Variants in AXIN1 observed in about 807,000 individuals in gnomAD.
The protein encoded by AXIN1 is axin 1.
AXIN1 carries 30 observed loss-of-function variants against 76.4 expected under a neutral mutation model. The ratio of observed to expected loss-of-function variants is 0.39; its 90% CI spans 0.29 to 0.53. AXIN1 has a LOEUF of 0.53. Ranked by LOEUF, AXIN1 falls within the 20% of genes least tolerant of loss-of-function variation. AXIN1 has a pLI of 0.66. For missense variants in AXIN1, 1,140 were observed against 1,198.8 expected (o/e 0.95, Z 0.72); for synonymous variants, 545 against 501.4 (o/e 1.09, Z -1.16).
chr16:318,917 T>C (rs11248927), intron 2 of AXIN1, among the ~76,000 whole-genome samples: 618 of 65,172 alleles, frequency 9.5e-3, no homozygotes, highest in African/African-American at 0.048. Context: ...TTGGTGAGAG[T>C]GGCTCTGACC....
chr16:323,914 C>A (rs1397174933), intron 2 of AXIN1, among the ~76,000 whole-genome samples: 2 of 152,122 alleles, frequency 1.3e-5, no homozygotes, highest in Non-Finnish European at 1.5e-5. Context: ...GTGTCAACTG[C>A]GACAGGGGAT....
At chr16:310,530 G>A (rs1230065367) in intron 3 of AXIN1, among the ~76,000 whole-genome samples, 4 of 152,138 alleles carry the variant, frequency 2.6e-5, no homozygotes, top group Non-Finnish European at 5.9e-5. Context: ...CTGAGTAGCT[G>A]GGACTACAGG....
chr16:343,639 G>A (rs925454762), intron 2 of AXIN1, among the ~76,000 whole-genome samples: 3 of 151,870 alleles, frequency 2.0e-5, no homozygotes, highest in Admixed American at 1.3e-4. Context: ...GGAGGCAGAG[G>A]TTGCAGTGAG....
At chr16:333,569 C>T (rs555497705) in intron 2 of AXIN1, among the ~76,000 whole-genome samples, 5 of 152,006 alleles carry the variant, frequency 3.3e-5, no homozygotes, top group East Asian at 3.9e-4. Flanking sequence ...ATAAAGAAAA[C>T]ATCCAAAAAA....
At position 293,685 on chromosome 16, in the gene AXIN1, C is replaced by T. The variant is rs750092964; in HGVS notation, c.1989G>A (p.Glu663=). The T allele has an allele frequency of 1.2e-6, 2 of 1,613,602 alleles. No individual in the cohort carries two copies. Among genetic ancestry groups the T allele is most frequent in the African/African-American group, 1.3e-5 (1 of 74,886 alleles). The change falls in exon 8 of 11, where the codon GAG becomes GAA. Residue 663 remains glutamate, a synonymous_variant. Transcript: ENST00000262320. The surrounding 1 kb of genome is among the most constrained non-coding windows in gnomAD (Gnocchi z 4.6). ...SSGTRKPQPH[E]NSRPLSLEHP... ...GCTCAAGGGACAAGGGTCTGGAGTT[C>T]TCATGGGGCTGTGGCTTCCTCGTCC...
At chr16:325,341 T>A (rs2053559077) in intron 2 of AXIN1, among the ~76,000 whole-genome samples, 1 of 152,194 alleles carries the variant, frequency 6.6e-6, no homozygotes, top group African/African-American at 2.4e-5. Context: ...CTGGCTTTCT[T>A]CACTGGCACA....
intron 2 of AXIN1, among the ~76,000 whole-genome samples, chr16:329,865 T>A (rs2053659194): frequency 6.6e-6 from 1 of 151,432 alleles, no homozygotes; most frequent in African/African-American, 2.4e-5. Flanking sequence ...AATCTCCTGA[T>A]CTTGTGATCC....
At chr16:289,687 A>G (rs934090869) in intron 9 of AXIN1, 80 bp from the exon 10 acceptor site, 22 of 1,575,116 alleles carry the variant, frequency 1.4e-5, no homozygotes, top group Middle Eastern at 1.7e-4. Context: ...TCAGGCTGCC[A>G]GTGTAAGGCG....
intron 2 of AXIN1, among the ~76,000 whole-genome samples, chr16:333,275 T>C (rs918233039): frequency 6.6e-6 from 1 of 151,158 alleles, no homozygotes; most frequent in Non-Finnish European, 1.5e-5. Context: ...GCGGATGCAG[T>C]GAGCCGAGAT....
In AXIN1 at chr16:304,323, C is replaced by G; in HGVS notation, c.1235G>C (p.Arg412Pro). Residue 412 changes from arginine (R) to proline (P), a missense_variant, in exon 5 of 11, where the codon CGG becomes CCG. By Grantham distance (103) the Arg-to-Pro change is moderately radical (BLOSUM62 -2). Coordinates refer to ENST00000262320, the MANE Select transcript of AXIN1 (RefSeq NM_003502.4). ...TREAEEKLEE[R>P]LKRVRMEEEG... ...ACTCACCATGCGCACGCGCTTCAGC[C>G]GCTCCTCCAGCTTCTCCTCGGCCTC... 6.2e-7 allele frequency: 1 copy of G among 1,612,102 alleles called. No individual in the cohort carries two copies. Among genetic ancestry groups the G allele is most frequent in the Non-Finnish European group, 8.5e-7 (1 of 1,179,690 alleles).
At position 297,882 on chromosome 16, in the gene AXIN1, TGTGGTGGACGTG is replaced by T. The variant is rs759594277; in HGVS notation, c.1612_1623del (p.His538_His541del). On this transcript the variant is annotated inframe_deletion, in exon 6 of 11. Transcript: ENST00000262320. ...ACCTGCTCCTTGGGCCGGGCTGTGC[TGTGGTGGACGTG>T]GTGGTGGACGTGTCGGTGGTGGTGC... The T allele has an allele frequency of 1.6e-5, 26 of 1,589,428 alleles. No homozygotes were observed. In the Admixed American group the frequency reaches 2.4e-4, roughly 14 times the overall value.
chr16:346,570 G>A lies in AXIN1; in HGVS notation c.456C>T (p.Asn152=), dbSNP rs780104760. 6.2e-7 allele frequency: 1 copy of A among 1,613,228 alleles called. No homozygotes were observed. Among genetic ancestry groups the A allele is most frequent in the African/African-American group, 1.3e-5 (1 of 74,974 alleles). ...RAIYRKYILD[N]NGIVSRQTKP... The stretch of plus-strand genomic sequence containing the variant: ...TGGTCTGCCGGGACACGATGCCATT[G>A]TTATCAAGAATGTACTTTCGGTAGA... The change falls in exon 2 of 11, where the codon AAC becomes AAT. Residue 152 remains asparagine, a synonymous_variant. Coordinates refer to ENST00000262320, the MANE Select transcript of AXIN1 (RefSeq NM_003502.4).
intron 4 of AXIN1, among the ~76,000 whole-genome samples, 186 bp from the exon 5 acceptor site, chr16:304,627 C>T (rs1304433302): frequency 2.6e-5 from 4 of 152,150 alleles, no homozygotes; most frequent in Non-Finnish European, 5.9e-5. Context: ...CTCTGCTTCC[C>T]GGGTTCAAGC....
chr16:304,760 C>A (rs1277602948), intron 4 of AXIN1, among the ~76,000 whole-genome samples: 1 of 152,174 alleles, frequency 6.6e-6, no homozygotes. Context: ...GTCTCGAACT[C>A]CTGACCTCAG....
intron 6 of AXIN1, 64 bp from the exon 7 acceptor site, chr16:297,290 T>C (rs1462681221): frequency 2.5e-6 from 4 of 1,586,982 alleles, no homozygotes; most frequent in Non-Finnish European, 2.6e-6. Context: ...CCCTTCCTCG[T>C]CTGCGAGGCC....
At chr16:309,491 C>A (rs183694984) in intron 4 of AXIN1, among the ~76,000 whole-genome samples, 26 of 152,290 alleles carry the variant, frequency 1.7e-4, no homozygotes, top group Middle Eastern at 3.4e-3. Context: ...ATGCCCGAGA[C>A]TGGGCAAAGG....
chr16:346,892 C>A lies in AXIN1; in HGVS notation c.134G>T (p.Cys45Phe), dbSNP rs2141708498. 2.5e-6 allele frequency: 4 copies of A among 1,613,776 alleles called. No individual in the cohort carries two copies. Among genetic ancestry groups the A allele is most frequent in the Non-Finnish European group, 3.4e-6 (4 of 1,179,640 alleles). ...TTTAATGCCAACACCTTTCCCGGAG[C>A]AGAAACTGTAGCTGGCGGGCCTCGG... is the stretch of plus-strand genomic sequence containing the variant. The part of the protein sequence containing the change: ...TDPRPASYSF[C>F]SGKGVGIKGE... Residue 45 changes from cysteine (C) to phenylalanine (F), a missense_variant, in exon 2 of 11, where the codon TGC becomes TTC. Around this residue, in one of 3 missense-constraint regions of AXIN1, gnomAD observed 708 missense variants for 776.9 expected, o/e 0.91. Coordinates refer to ENST00000262320, the MANE Select transcript of AXIN1 (RefSeq NM_003502.4).
At position 352,459 on chromosome 16, in the gene AXIN1, G is replaced by A. The variant is rs1207002338; in HGVS notation, c.-172C>T. 6.6e-5 allele frequency: 64 copies of A among 971,310 alleles called. No individual in the cohort carries two copies. The highest frequency in any genetic ancestry group is 7.3e-5 in the Non-Finnish European group (60 of 820,308). The allele number at this position is 971,310 out of a possible 1,614,324, so 60.2% of individuals were successfully genotyped here. A position where few individuals can be genotyped will look rare whatever the true frequency, so the allele number is the denominator to read the frequency against. On this transcript the variant is annotated 5_prime_UTR_variant, in exon 1 of 11. Transcript: ENST00000262320. Reference sequence around the variant, plus strand: ...TGCGCTCAGCGGCAGCGCGGCGGGCGGGACCCGGCGGGGGCGCGGCCCGGG... The same window carrying A: ...TGCGCTCAGCGGCAGCGCGGCGGGCAGGACCCGGCGGGGGCGCGGCCCGGG...
At chr16:302,205 G>A (rs770059640) in intron 5 of AXIN1, among the ~76,000 whole-genome samples, 65 of 152,340 alleles carry the variant, frequency 4.3e-4, no homozygotes, top group Non-Finnish European at 7.9e-4. Context: ...CCAGCCCTGC[G>A]GCCCCGGCTA....
Sources: allele counts gnomAD v4.1 joint callset (sites outside exome capture counted in the v4.1 genomes callset), GRCh38; gene constraint gnomAD v4.1.1; regional missense constraint gnomAD v4.1.1; non-coding constraint Gnocchi (gnomAD v3.1); transcripts MANE v1.5; gene names NCBI Gene and HGNC (gene_info 2026-07-23, HGNC 2026-07-21).